TRIO: variants seen among roughly 807,000 people sequenced by gnomAD.
TRIO encodes the protein triple functional domain protein.
A neutral mutation model predicts 351.9 loss-of-function variants in TRIO; 58 were observed. The ratio of observed to expected loss-of-function variants is 0.16; its 90% CI spans 0.13 to 0.21. TRIO has a LOEUF of 0.21. Ranked by LOEUF, TRIO falls within the 10% of genes least tolerant of loss-of-function variation. The pLI is 1.00. For synonymous variants in TRIO, 1,758 were observed against 1,595.7 expected (o/e 1.10, Z -2.42); for missense variants, 3,201 against 4,027.8 (o/e 0.79, Z 5.56).
At chr5:14,300,918 C>G (rs1360796560) in intron 7 of TRIO, among the ~76,000 whole-genome samples, 1 of 152,120 alleles carries the variant, frequency 6.6e-6, no homozygotes, top group African/African-American at 2.4e-5. Context: ...TAGGAAATTT[C>G]CGTCCCTTTG....
At chr5:14,436,638 G>A (rs1751610737) in intron 34 of TRIO, among the ~76,000 whole-genome samples, 1 of 152,190 alleles carries the variant, frequency 6.6e-6, no homozygotes, top group African/African-American at 2.4e-5. Flanking sequence ...AGATACGATG[G>A]GGGTATAGAT....
intron 8 of TRIO, among the ~76,000 whole-genome samples, chr5:14,316,262 C>T (rs1739370890): frequency 6.6e-6 from 1 of 152,142 alleles, no homozygotes; most frequent in African/African-American, 2.4e-5. Context: ...TTTATTTTCA[C>T]CTAGTGTTTT....
intron 1 of TRIO, among the ~76,000 whole-genome samples, chr5:14,196,550 T>C (rs1790783458): frequency 6.6e-6 from 1 of 152,106 alleles, no homozygotes; most frequent in Non-Finnish European, 1.5e-5. Flanking sequence ...ACACATCATA[T>C]GTGAAATGGA....
At chr5:14,300,401 A>G (rs1737774498) in intron 7 of TRIO, among the ~76,000 whole-genome samples, 1 of 152,258 alleles carries the variant, frequency 6.6e-6, no homozygotes, top group Non-Finnish European at 1.5e-5. Flanking sequence ...GAATTAAATT[A>G]AAATGTAGTT....
Position 14,357,560 on chromosome 5 carries a change from A to T in TRIO, c.2047-618A>T, listed in dbSNP as rs154162. Among the ~76,000 whole-genome samples, 14 of 152,126 alleles carry T rather than the reference A, an allele frequency of 9.2e-5. 1 individual carries two copies. The South Asian group carries it at 2.9e-3, about 32-fold the overall frequency. On this transcript the variant is annotated intron_variant, in intron 11 of 56. Coordinates refer to ENST00000344204, the MANE Select transcript of TRIO (RefSeq NM_007118.4). ...TGGTGGTGGCAGTGGAGGTGTCTGC[A>T]TCTTTTCAGCATGCACACTCTTTCC... is the stretch of plus-strand genomic sequence containing the variant.
chr5:14,508,188 C>T lies in TRIO; in HGVS notation c.9060C>T (p.Ser3020=). 6.2e-7 allele frequency: 1 copy of T among 1,614,140 alleles called. No individual in the cohort carries two copies. Among genetic ancestry groups the T allele is most frequent in the South Asian group, 1.1e-5 (1 of 91,086 alleles). The stretch of plus-strand genomic sequence containing the variant: ...CAGATGACTACTTTAAAGGAGTGAG[C>T]CAGAAGGCCAAGGAGTTCGTGTGCT... The part of the protein sequence containing the change: ...SFPDDYFKGV[S]QKAKEFVCFL... Residue 3020 remains serine, a synonymous_variant, in exon 57 of 57, where the codon AGC becomes AGT. Coordinates refer to ENST00000344204, the MANE Select transcript of TRIO (RefSeq NM_007118.4).
In TRIO at chr5:14,300,954, T is replaced by A. The variant is rs557710679; in HGVS notation, c.1369-3507T>A. Among the ~76,000 whole-genome samples, 15 of 152,296 alleles carry A rather than the reference T, an allele frequency of 9.8e-5. No individual in the cohort carries two copies. In the South Asian group the frequency reaches 1.2e-3, roughly 13 times the overall value. ...TCTCCTAAGTCCAGCTTAGTGCCTG[T>A]GCTCAGCTGAGGCTCCGTCAAGAGG... is the stretch of plus-strand genomic sequence containing the variant. On this transcript the variant is annotated intron_variant, in intron 7 of 56. Coordinates refer to ENST00000344204, the MANE Select transcript of TRIO (RefSeq NM_007118.4).
At chr5:14,475,385 G>A (rs1296741155) in intron 40 of TRIO, among the ~76,000 whole-genome samples, 1 of 152,102 alleles carries the variant, frequency 6.6e-6, no homozygotes, top group Non-Finnish European at 1.5e-5. Flanking sequence ...AGGCCTGGGT[G>A]TTCCCCATCA....
At chr5:14,482,395 T>C (rs985932093) in intron 45 of TRIO, 187 bp from the exon 46 acceptor site, 3 of 428,806 alleles carry the variant, frequency 7.0e-6, no homozygotes, top group Non-Finnish European at 1.2e-5. Context: ...TTGGCAAGAA[T>C]TTTATTTAGA....
chr5:14,500,275 A>C (rs1757191719), intron 53 of TRIO, among the ~76,000 whole-genome samples: 1 of 152,122 alleles, frequency 6.6e-6, no homozygotes, highest in Non-Finnish European at 1.5e-5. Context: ...TTTGTTTTAA[A>C]TCTACCCTTG....
intron 1 of TRIO, among the ~76,000 whole-genome samples, chr5:14,191,424 G>A (rs946358679): frequency 2.6e-5 from 4 of 151,114 alleles, no homozygotes; most frequent in South Asian, 2.1e-4. Context: ...AGACTCTATC[G>A]CTACAAAAAA....
intron 1 of TRIO, among the ~76,000 whole-genome samples, chr5:14,253,546 C>T (rs1794863715): frequency 6.6e-6 from 1 of 152,102 alleles, no homozygotes; most frequent in Admixed American, 6.5e-5. Flanking sequence ...GCCATGCTGC[C>T]CAGGCTGGTC....
chr5:14,224,249 A>G (rs1792836028), intron 1 of TRIO, among the ~76,000 whole-genome samples: 1 of 152,120 alleles, frequency 6.6e-6, no homozygotes. Flanking sequence ...GGTTAATCTT[A>G]TACATACTGT....
At chr5:14,310,843 G>C (rs150588610) in intron 8 of TRIO, among the ~76,000 whole-genome samples, 1 of 152,162 alleles carries the variant, frequency 6.6e-6, no homozygotes, top group South Asian at 2.1e-4. Context: ...ATGCCACCAG[G>C]CCCGGCTAAT....
At chr5:14,320,153 T>C (rs1220362965) in intron 9 of TRIO, among the ~76,000 whole-genome samples, 1 of 152,220 alleles carries the variant, frequency 6.6e-6, no homozygotes. Context: ...TTATGTTTAT[T>C]ATCAGAGTAA....
chr5:14,496,785 T>C (rs1756922704), intron 49 of TRIO, 94 bp from the exon 50 acceptor site: 1 of 1,519,022 alleles, frequency 6.6e-7, no homozygotes, highest in Admixed American at 1.9e-5. Context: ...TGCACACACA[T>C]ACGTTGAATA....
At chr5:14,216,886 G>A (rs1792260718) in intron 1 of TRIO, among the ~76,000 whole-genome samples, 1 of 152,186 alleles carries the variant, frequency 6.6e-6, no homozygotes, top group Non-Finnish European at 1.5e-5. Context: ...CCAGACCAAG[G>A]TCTCATCGTT....
chr5:14,257,083 T>C lies in TRIO; in HGVS notation c.158-13742T>C, dbSNP rs75914258. 5.2e-3 allele frequency among the ~76,000 whole-genome samples: 787 copies of C among 152,300 alleles called. 9 individuals are homozygous for C. Among genetic ancestry groups the C allele is most frequent in the African/African-American group, 0.018 (758 of 41,552 alleles). The stretch of plus-strand genomic sequence containing the variant: ...GATTATCTGTTAAAATGAGAGATGT[T>C]TGCCTATTGAAAAGGGAGCCCAAAG... On this transcript the variant is annotated intron_variant, in intron 1 of 56. Coordinates refer to ENST00000344204, the MANE Select transcript of TRIO (RefSeq NM_007118.4).
At chr5:14,431,438 C>T (rs956126405) in intron 34 of TRIO, among the ~76,000 whole-genome samples, 1 of 152,176 alleles carries the variant, frequency 6.6e-6, no homozygotes, top group African/African-American at 2.4e-5. Flanking sequence ...AGTAAACAGG[C>T]TCGTTTGCCT....
Sources: allele counts gnomAD v4.1 joint callset (sites outside exome capture counted in the v4.1 genomes callset), GRCh38; gene constraint gnomAD v4.1.1; transcripts MANE v1.5; gene names NCBI Gene and HGNC (gene_info 2026-07-23, HGNC 2026-07-21).